The following PLEKHA1 variants were observed in gnomAD, a reference collection of about 807,000 sequenced individuals.
PLEKHA1 encodes the protein pleckstrin homology domain containing A1.
A neutral mutation model predicts 52.0 loss-of-function variants in PLEKHA1; 34 were observed. The observed-to-expected ratio is 0.65, with a 90% CI of 0.50 to 0.87. The LOEUF is 0.87. Among genes scored for constraint, PLEKHA1 ranks in the 40% least tolerant of loss-of-function variants. PLEKHA1 has a pLI of 0.00. For synonymous variants in PLEKHA1, 163 were observed against 170.7 expected (o/e 0.95, Z 0.35); for missense variants, 497 against 504.2 (o/e 0.99, Z 0.14).
intron 1 of PLEKHA1, among the ~76,000 whole-genome samples, chr10:122,382,378 G>C (rs1301050030): frequency 6.6e-6 from 1 of 152,088 alleles, no homozygotes; most frequent in Non-Finnish European, 1.5e-5. Flanking sequence ...TACTATACTT[G>C]GTTTGTTTAG....
chr10:122,407,022 C>G (rs2097027202), intron 5 of PLEKHA1, among the ~76,000 whole-genome samples: 1 of 152,152 alleles, frequency 6.6e-6, no homozygotes, highest in African/African-American at 2.4e-5. Flanking sequence ...TTCCTGTCAC[C>G]TACCTGGGGA....
At chr10:122,433,583 T>G (rs1398902376), downstream of PLEKHA1, 1 of 152,202 alleles carries the variant, frequency 6.6e-6, no homozygotes, top group Non-Finnish European at 1.5e-5. Context: ...GAAATGGCTT[T>G]CTTCATCTTA....
chr10:122,407,273 T>G (rs1362703779), intron 5 of PLEKHA1, among the ~76,000 whole-genome samples: 1 of 152,200 alleles, frequency 6.6e-6, no homozygotes, highest in Non-Finnish European at 1.5e-5. Flanking sequence ...CTTGGTACCC[T>G]TGCCCTCCTT....
At chr10:122,427,995 CTCTT>C (rs1386143912) in intron 11 of PLEKHA1, among the ~76,000 whole-genome samples, 1 of 152,182 alleles carries the variant, frequency 6.6e-6, no homozygotes, top group Non-Finnish European at 1.5e-5. Context: ...AAGTCATTCT[CTCTT>C]TATATCCTTT....
intron 8 of PLEKHA1, 123 bp from the exon 9 acceptor site, chr10:122,424,076 A>C: frequency 1.6e-6 from 2 of 1,260,352 alleles, no homozygotes; most frequent in Non-Finnish European, 2.2e-6. Context: ...TTTATTTCTG[A>C]GATGTGCTTC....
chr10:122,407,958 T>C (rs1049668591), intron 5 of PLEKHA1, among the ~76,000 whole-genome samples: 1 of 152,190 alleles, frequency 6.6e-6, no homozygotes, highest in African/African-American at 2.4e-5. Context: ...AATCTTTTTG[T>C]TTTGCTCTAG....
chr10:122,392,299 A>G (rs1311687020), intron 1 of PLEKHA1: 2 of 146,590 alleles, frequency 1.4e-5, no homozygotes, highest in Non-Finnish European at 3.0e-5. Context: ...TTTGTTTCTT[A>G]TAGTCTGGCT....
chr10:122,406,852 A>G (rs1329511738), intron 5 of PLEKHA1, among the ~76,000 whole-genome samples, 179 bp downstream of exon 5: 1 of 152,196 alleles, frequency 6.6e-6, no homozygotes, highest in Non-Finnish European at 1.5e-5. Flanking sequence ...TTGGCACTTT[A>G]ATCAGCCCAT....
At chr10:122,419,675 CA>C (rs1385701227) in intron 8 of PLEKHA1, 1 of 152,122 alleles carries the variant, frequency 6.6e-6, no homozygotes, top group Non-Finnish European at 1.5e-5. Context: ...CCATCATCAA[CA>C]GTAGTTTTAA....
the PLEKHA1 span, chr10:122,439,869 ATATGCT>A: frequency 5.3e-5 from 8 of 152,188 alleles, no homozygotes; most frequent in Admixed American, 6.5e-5. Flanking sequence ...ATGAGAATTG[ATATGCT>A]TAGGCTTTCT....
intron 5 of PLEKHA1, among the ~76,000 whole-genome samples, chr10:122,410,433 T>C (rs1191877310): frequency 6.6e-6 from 1 of 152,176 alleles, no homozygotes; most frequent in Admixed American, 6.5e-5. Context: ...CTGATTTTCA[T>C]TGGACAGTTG....
chr10:122,411,827 A>C (rs1378664262), intron 5 of PLEKHA1: 1 of 152,212 alleles, frequency 6.6e-6, no homozygotes, highest in East Asian at 1.9e-4. Context: ...TATGACAAGC[A>C]AACTATTTAA....
At chr10:122,408,939 T>C (rs2097064159) in intron 5 of PLEKHA1, among the ~76,000 whole-genome samples, 1 of 152,196 alleles carries the variant, frequency 6.6e-6, no homozygotes, top group Non-Finnish European at 1.5e-5. Context: ...CTAAGTACTG[T>C]GTGATATATA....
At chr10:122,407,892 A>G (rs2097046214) in intron 5 of PLEKHA1, among the ~76,000 whole-genome samples, 1 of 152,230 alleles carries the variant, frequency 6.6e-6, no homozygotes, top group South Asian at 2.1e-4. Flanking sequence ...TTTCCTATTT[A>G]TATCACAACA....
At chr10:122,412,775 C>A in intron 5 of PLEKHA1, 145 bp from the exon 6 acceptor site, 1 of 757,230 alleles carries the variant, frequency 1.3e-6, no homozygotes, top group Non-Finnish European at 2.1e-6. Flanking sequence ...AGTGTGATAA[C>A]TTAAGGAGTA....
At chr10:122,375,211 G>C (rs2096510535) in intron 1 of PLEKHA1, among the ~76,000 whole-genome samples, 1 of 152,024 alleles carries the variant, frequency 6.6e-6, no homozygotes, top group Non-Finnish European at 1.5e-5. Flanking sequence ...AATCCCGCTC[G>C]GGGCGCGGTG....
chr10:122,432,894 C>T (rs144069099), downstream of PLEKHA1: 1 of 152,342 alleles, frequency 6.6e-6, no homozygotes, highest in East Asian at 1.9e-4. Context: ...AATACTTCTC[C>T]AGTGAGGACA....
rs191221425 is a variant in PLEKHA1, at chr10:122,412,874, T to C, written c.343-46T>C. 1.8e-5 allele frequency: 29 copies of C among 1,598,428 alleles called. No individual in the cohort carries two copies. The East Asian group carries it at 5.8e-4, about 32-fold the overall frequency. The stretch of plus-strand genomic sequence containing the variant: ...AATTCTGCGAGAAAACAGGTTCACA[T>C]GTATAATGCTGGTTGCAAAATGATT... On this transcript the variant is annotated intron_variant, in intron 5 of 11. Transcript: ENST00000368990.
intron 8 of PLEKHA1, chr10:122,422,117 A>G (rs999409491): frequency 6.6e-6 from 1 of 152,218 alleles, no homozygotes; most frequent in Non-Finnish European, 1.5e-5. Context: ...AATATAACCC[A>G]TAGAATAAAA....
Sources: allele counts gnomAD v4.1 joint callset (sites outside exome capture counted in the v4.1 genomes callset), GRCh38; gene constraint gnomAD v4.1.1; transcripts MANE v1.5; gene names NCBI Gene and HGNC (gene_info 2026-07-23, HGNC 2026-07-21).